Variants in PLCH1 observed in about 807,000 individuals in gnomAD.
PLCH1 encodes 1-phosphatidylinositol 4,5-bisphosphate phosphodiesterase eta-1.
Under a neutral mutation model 126.7 loss-of-function variants are expected in PLCH1, and 60 were observed. That is an observed-to-expected ratio of 0.47 (90% CI 0.38 to 0.59). The LOEUF (loss-of-function observed/expected upper bound fraction) is 0.59. PLCH1 is among the 20% of genes least tolerant of loss of function. The probability of loss-of-function intolerance (pLI) is 0.00; values close to 1 mark genes in which losing one functional copy is unlikely to be tolerated. For synonymous variants in PLCH1, 719 were observed against 734.9 expected (o/e 0.98, Z 0.35); for missense variants, 1,723 against 2,040.0 (o/e 0.84, Z 2.99).
At chr3:155,655,319 C>A (rs1741222562) in intron 2 of PLCH1, among the ~76,000 whole-genome samples, 1 of 151,958 alleles carries the variant, frequency 6.6e-6, no homozygotes, top group Admixed American at 6.6e-5. Flanking sequence ...GCCTGTAGTC[C>A]CAGTTACTCG....
chr3:155,536,559 C>G (rs1035238246), intron 10 of PLCH1, among the ~76,000 whole-genome samples: 1 of 151,860 alleles, frequency 6.6e-6, no homozygotes, highest in Non-Finnish European at 1.5e-5. Context: ...AAGAATCAAA[C>G]AAGTAGAAGA....
intron 6 of PLCH1, among the ~76,000 whole-genome samples, chr3:155,573,466 A>G (rs1282854465): frequency 6.6e-6 from 1 of 152,190 alleles, no homozygotes; most frequent in Non-Finnish European, 1.5e-5. Context: ...TCTCATTTAG[A>G]GTTCTTCATG....
At position 155,592,266 on chromosome 3, in the gene PLCH1, C is replaced by T. The variant is rs189721863; in HGVS notation, c.470+1675G>A. On this transcript the variant is annotated intron_variant, in intron 4 of 22. Coordinates refer to ENST00000460012, the MANE Select transcript of PLCH1 (RefSeq NM_014996.4). The stretch of plus-strand genomic sequence containing the variant: ...TTGGGAGGCTGAGGTGAGCAGATCA[C>T]GAGGTCAGGAGATCAAGACCATCCT... Among the ~76,000 whole-genome samples the T allele has an allele frequency of 3.5e-5, 5 of 144,854 alleles. No individual in the cohort carries two copies. In the East Asian group the frequency reaches 8.0e-4, roughly 23 times the overall value.
At chr3:155,728,126 C>T (rs1748483077) in intron 1 of PLCH1, among the ~76,000 whole-genome samples, 2 of 152,186 alleles carry the variant, frequency 1.3e-5, no homozygotes, top group Admixed American at 6.5e-5. Flanking sequence ...GTATTCATTA[C>T]TTTCTTACTG....
intron 2 of PLCH1, among the ~76,000 whole-genome samples, chr3:155,609,683 A>G (rs934429905): frequency 6.6e-5 from 10 of 152,126 alleles, no homozygotes; most frequent in African/African-American, 2.4e-4. Context: ...CCAGACAAAT[A>G]TATATAATAA....
chr3:155,482,982 T>C lies in PLCH1; in HGVS notation c.3044A>G (p.Lys1015Arg), dbSNP rs773733339. Residue 1015 changes from lysine (K) to arginine (R), a missense_variant, in exon 23 of 23, where the codon AAA becomes AGA. Lys to Arg is a conservative substitution (Grantham distance 26). Coordinates refer to ENST00000460012, the MANE Select transcript of PLCH1 (RefSeq NM_014996.4). Reference protein sequence around the residue: ...IKDPHFLNFNKKLSSSSSALL... With the variant: ...IKDPHFLNFNRKLSSSSSALL... ...AGCACTGGAGGAGGATGATAACTTT[T>C]TGTTGAAATTTAGAAAATGTGGATC... 6.2e-7 allele frequency: 1 copy of C among 1,614,080 alleles called. No homozygotes were observed.
intron 2 of PLCH1, among the ~76,000 whole-genome samples, chr3:155,670,588 C>G (rs1307461468): frequency 6.6e-6 from 1 of 152,052 alleles, no homozygotes; most frequent in Non-Finnish European, 1.5e-5. Context: ...AGTTACAGAT[C>G]ATTTGTCAAA....
At chr3:155,541,493 C>T (rs572835969) in intron 10 of PLCH1, among the ~76,000 whole-genome samples, 18 of 152,188 alleles carry the variant, frequency 1.2e-4, no homozygotes, top group Admixed American at 3.9e-4. Context: ...ACTGTTATGT[C>T]TTAGGAAACA....
chr3:155,676,433 G>C, intron 2 of PLCH1: 2 of 988,770 alleles, frequency 2.0e-6, no homozygotes, highest in Non-Finnish European at 2.4e-6. Flanking sequence ...TTAATGTCTG[G>C]GAAGTGTAGG....
chr3:155,727,391 C>CTT lies in PLCH1; in HGVS notation c.-41+17447_-41+17448dup, dbSNP rs55862258. The stretch of plus-strand genomic sequence containing the variant: ...AGCAACACTTCCAATGTACGAAATC[C>CTT]TTTTTTTTTTTTTTGAGATGGAGTC... On this transcript the variant is annotated intron_variant, in intron 1 of 22. Transcript: ENST00000460012. 7.7e-3 allele frequency among the ~76,000 whole-genome samples: 1,096 copies of CTT among 141,622 alleles called. 20 individuals are homozygous for CTT. The highest frequency in any genetic ancestry group is 0.026 in the African/African-American group (1,010 of 38,394). 92.9% of individuals were successfully genotyped at this position (141,622 alleles called of 152,430 possible).
intron 2 of PLCH1, among the ~76,000 whole-genome samples, chr3:155,614,336 A>G (rs998275959): frequency 1.3e-5 from 2 of 152,094 alleles, no homozygotes; most frequent in African/African-American, 4.8e-5. Context: ...CCCACATAAC[A>G]AAAGCAAGAC....
At chr3:155,490,485 G>A (rs1288933672) in intron 19 of PLCH1, among the ~76,000 whole-genome samples, 1 of 152,014 alleles carries the variant, frequency 6.6e-6, no homozygotes, top group Non-Finnish European at 1.5e-5. Context: ...TATAATGGAG[G>A]CATTTCCTCA....
rs1438544264 is a variant in PLCH1, at chr3:155,500,873, TTAAAATGCACATGTGCACAAACA to T, written c.1705-102_1705-80del. The T allele has an allele frequency of 5.5e-6, 5 of 912,698 alleles. No homozygotes were observed. The African/African-American group carries it at 8.2e-5, about 15-fold the overall frequency. 56.5% of individuals were successfully genotyped at this position (912,698 alleles called of 1,614,324 possible). ...CAACATGCAGAGAATGAGCTGGGCT[TTAAAATGCACATGTGCACAAACA>T]TAACTTGGAGGGAGAAAATGACCAA... On this transcript the variant is annotated intron_variant, in intron 13 of 22. Coordinates refer to ENST00000460012, the MANE Select transcript of PLCH1 (RefSeq NM_014996.4).
chr3:155,629,675 A>G (rs1009506495), intron 2 of PLCH1, among the ~76,000 whole-genome samples: 5 of 152,044 alleles, frequency 3.3e-5, no homozygotes, highest in African/African-American at 1.2e-4. Flanking sequence ...GTCACAGCCA[A>G]TATGGTATTT....
At chr3:155,603,548 G>A (rs1030583169) in intron 2 of PLCH1, among the ~76,000 whole-genome samples, 8 of 152,124 alleles carry the variant, frequency 5.3e-5, no homozygotes, top group South Asian at 2.1e-4. Flanking sequence ...TCTGGTCTGG[G>A]CTCTGTCACT....
intron 2 of PLCH1, among the ~76,000 whole-genome samples, chr3:155,645,803 G>A (rs1444724757): frequency 1.3e-5 from 2 of 152,154 alleles, no homozygotes. Flanking sequence ...AGAGCAGGTG[G>A]CCACACAGAG....
intron 2 of PLCH1, among the ~76,000 whole-genome samples, chr3:155,611,864 G>A (rs1047561119): frequency 7.2e-5 from 11 of 152,070 alleles, no homozygotes; most frequent in African/African-American, 2.7e-4. Flanking sequence ...CAAAAGAAAC[G>A]CTCAAAACTA....
intron 10 of PLCH1, among the ~76,000 whole-genome samples, chr3:155,539,780 G>A (rs1347977279): frequency 6.6e-6 from 1 of 152,064 alleles, no homozygotes; most frequent in African/African-American, 2.4e-5. Context: ...CTCAAGGATG[G>A]GTAGAATCAA....
chr3:155,495,863 A>G (rs1023642093), intron 15 of PLCH1, among the ~76,000 whole-genome samples: 3 of 152,198 alleles, frequency 2.0e-5, no homozygotes, highest in Admixed American at 2.0e-4. Flanking sequence ...TATTGGCATA[A>G]CCTATTAACA....
Sources: allele counts gnomAD v4.1 joint callset (sites outside exome capture counted in the v4.1 genomes callset), GRCh38; gene constraint gnomAD v4.1.1; transcripts MANE v1.5; gene names NCBI Gene and HGNC (gene_info 2026-07-23, HGNC 2026-07-21).